The following WDR59 variants were observed in gnomAD, a reference collection of about 807,000 sequenced individuals.
WDR59 encodes WD repeat domain 59.
A neutral mutation model predicts 131.2 loss-of-function variants in WDR59; 100 were observed. The observed-to-expected ratio is 0.76, with a 90% CI of 0.65 to 0.90. The LOEUF (loss-of-function observed/expected upper bound fraction) is 0.90, where lower values mean the gene tolerates loss of function less well. WDR59 is among the 40% of genes least tolerant of loss of function. WDR59 has a pLI of 0.00. For synonymous variants in WDR59, 601 were observed against 466.2 expected, an observed-to-expected ratio of 1.29 and a Z score of -3.72; for missense variants, 1,203 against 1,262.2, an observed-to-expected ratio of 0.95 and a Z score of 0.71.
intron 14 of WDR59, 73 bp from the exon 15 acceptor site, chr16:74,909,990 CAA>C (rs1966008147): frequency 8.1e-7 from 1 of 1,229,310 alleles, no homozygotes; most frequent in African/African-American, 1.9e-5. Context: ...TTTTTTGAGA[CAA>C]AGTCTCTCTT....
intron 3 of WDR59, among the ~76,000 whole-genome samples, chr16:74,951,746 G>A (rs988378792): frequency 2.6e-5 from 4 of 152,172 alleles, no homozygotes; most frequent in African/African-American, 7.2e-5. Flanking sequence ...GTAGGTCTGT[G>A]AATCTCAAAA....
rs34468583 is a variant in WDR59 at position 74,932,430 on chromosome 16, TACACACAC to T, written c.651+5712_651+5719del. Among the ~76,000 whole-genome samples the T allele has an allele frequency of 9.3e-3, 1,342 of 144,190 alleles. 20 individuals are homozygous for T. Among genetic ancestry groups the T allele is most frequent in the African/African-American group, 0.032 (1,234 of 39,166 alleles). 94.6% of individuals were successfully genotyped at this position (144,190 alleles called of 152,430 possible). A position where few individuals can be genotyped will look rare whatever the true frequency, so the allele number is the denominator to read the frequency against. Reference sequence around the variant, plus strand: ...AAATTGAGTCATGAAACATAATTTTTACACACACACACACACACACACACACACACACA... The same window carrying T: ...AAATTGAGTCATGAAACATAATTTTTACACACACACACACACACACACACA... On this transcript the variant is annotated intron_variant, in intron 8 of 25. Transcript: ENST00000262144.
chr16:74,975,900 CA>C (rs1238134887), intron 1 of WDR59, among the ~76,000 whole-genome samples: 1 of 151,884 alleles, frequency 6.6e-6, no homozygotes. Flanking sequence ...CCTGTGATCA[CA>C]GCACTTTGGG....
rs746289157 is a variant in WDR59 at position 74,908,981 on chromosome 16, AAGG to A, written c.1643-7_1643-5del. 3 of 1,613,192 alleles carry A rather than the reference AAGG, an allele frequency of 1.9e-6. No homozygotes were observed. In the South Asian group the frequency reaches 3.3e-5, roughly 18 times the overall value. ...CTTGTGAAATATACCAGGTAACCTA[AAGG>A]AGGAGACATCACATGAGCCATCAGT... On this transcript the variant is annotated splice_region_variant and splice_polypyrimidine_tract_variant and intron_variant, in intron 16 of 25. Transcript: ENST00000262144.
At chr16:74,903,582 A>T (rs1965657116) in intron 18 of WDR59, among the ~76,000 whole-genome samples, 2 of 152,174 alleles carry the variant, frequency 1.3e-5, no homozygotes, top group African/African-American at 4.8e-5. Context: ...AAGACTCCAG[A>T]GGCATTCCTT....
chr16:74,963,678 C>CTATCA (rs2033653328), intron 2 of WDR59, among the ~76,000 whole-genome samples: 1 of 152,166 alleles, frequency 6.6e-6, no homozygotes, highest in Non-Finnish European at 1.5e-5. Context: ...TGCAGCAAAC[C>CTATCA]ACCATAGCAC....
In WDR59 at chr16:74,923,952, C is replaced by T. The variant is rs2030518958; in HGVS notation, c.703G>A (p.Val235Met). 13 of 1,613,658 alleles carry T rather than the reference C, an allele frequency of 8.1e-6. No individual in the cohort carries two copies. The East Asian group carries it at 1.3e-4, about 17-fold the overall frequency. Residue 235 changes from valine to methionine, a missense_variant, in exon 9 of 26, where the codon GTG becomes ATG. By Grantham distance (21) the Val-to-Met change is conservative. Coordinates refer to ENST00000262144, the MANE Select transcript of WDR59 (RefSeq NM_030581.4). ...RKYLNILPCQ[V>M]PVWKARYTPF... ...GTGTATCTGGCCTTCCAGACAGGCA[C>T]CTGGCAAGGAAGAATATTGAGGTAT...
chr16:74,917,793 A>T, intron 11 of WDR59, 136 bp downstream of exon 11: 1 of 693,470 alleles, frequency 1.4e-6, no homozygotes, highest in Non-Finnish European at 2.2e-6. Context: ...TGGGCGATTC[A>T]GTGAGACGCA....
chr16:74,928,116 C>T (rs1163795132), intron 8 of WDR59, among the ~76,000 whole-genome samples: 9 of 151,486 alleles, frequency 5.9e-5, no homozygotes, highest in African/African-American at 1.7e-4. Context: ...CCATGTTGGC[C>T]AGGATTAGCT....
At chr16:74,977,410 C>T (rs565178873) in intron 1 of WDR59, among the ~76,000 whole-genome samples, 2 of 152,176 alleles carry the variant, frequency 1.3e-5, no homozygotes, top group South Asian at 2.1e-4. Context: ...ACAATGCAGC[C>T]GGGCGCGGTG....
At chr16:74,955,245 A>G (rs1293587043) in intron 3 of WDR59, among the ~76,000 whole-genome samples, 1 of 152,200 alleles carries the variant, frequency 6.6e-6, no homozygotes, top group Non-Finnish European at 1.5e-5. Flanking sequence ...GACATCTGAC[A>G]GTGGCTGGAG....
intron 8 of WDR59, chr16:74,930,859 C>G (rs2031312609): frequency 8.0e-6 from 1 of 125,104 alleles, no homozygotes; most frequent in Non-Finnish European, 1.6e-5. Flanking sequence ...TGCCACAACA[C>G]TCTAGCCTGG....
At chr16:74,967,651 A>G (rs983233853) in intron 1 of WDR59, among the ~76,000 whole-genome samples, 3 of 152,042 alleles carry the variant, frequency 2.0e-5, no homozygotes, top group Non-Finnish European at 2.9e-5. Flanking sequence ...CTGAGGTCAG[A>G]AGTTCGAGAC....
rs550125816 is a variant in WDR59, at chr16:74,937,114, AAGG to A, written c.651+1033_651+1035del. The stretch of plus-strand genomic sequence containing the variant: ...CCCCTGTCCTCAGAGACCTGACCAC[AAGG>A]AGGAACTACTGGAACAAAGATGACT... On this transcript the variant is annotated intron_variant, in intron 8 of 25. Coordinates refer to ENST00000262144, the MANE Select transcript of WDR59 (RefSeq NM_030581.4). 3.7e-3 allele frequency among the ~76,000 whole-genome samples: 571 copies of A among 152,352 alleles called. 3 individuals carry two copies. Among genetic ancestry groups the A allele is most frequent in the African/African-American group, 0.013 (538 of 41,580 alleles).
chr16:74,943,094 G>A (rs1235908448), intron 6 of WDR59, among the ~76,000 whole-genome samples: 1 of 152,162 alleles, frequency 6.6e-6, no homozygotes, highest in Non-Finnish European at 1.5e-5. Context: ...GAATCAGCAG[G>A]AAAACATAGT....
At chr16:74,978,253 C>G (rs112578588) in intron 1 of WDR59, among the ~76,000 whole-genome samples, 3 of 141,742 alleles carry the variant, frequency 2.1e-5, no homozygotes, top group African/African-American at 7.9e-5. Flanking sequence ...ACTCAGGAGG[C>G]AGAGGTTACG....
At chr16:74,959,251 G>A (rs1438277712) in intron 2 of WDR59, 4 of 275,996 alleles carry the variant, frequency 1.4e-5, no homozygotes, top group Non-Finnish European at 2.8e-5. Flanking sequence ...CTTCTCAGGA[G>A]AAAATAACCA....
chr16:74,952,132 G>A (rs112529081), intron 3 of WDR59, among the ~76,000 whole-genome samples: 5 of 152,018 alleles, frequency 3.3e-5, no homozygotes, highest in Middle Eastern at 6.8e-3. Context: ...ACTGGGTCCC[G>A]TGTCACTTTA....
At chr16:74,877,225 T>C (rs1265067065) in intron 25 of WDR59, among the ~76,000 whole-genome samples, 1 of 152,044 alleles carries the variant, frequency 6.6e-6, no homozygotes, top group African/African-American at 2.4e-5. Flanking sequence ...GCTGGTTTTG[T>C]GTATATCTCA....
Sources: gnomAD v4.1 joint callset for allele counts (sites outside exome capture counted in the v4.1 genomes callset) on GRCh38, gnomAD v4.1.1 for gene constraint, MANE v1.5 for transcripts, NCBI Gene and HGNC (gene_info 2026-07-23, HGNC 2026-07-21) for gene names.